Variants in CACNA2D3 observed in about 807,000 individuals in gnomAD.
CACNA2D3 encodes calcium voltage-gated channel auxiliary subunit alpha2delta 3, also known as voltage-dependent calcium channel subunit alpha-2/delta-3.
Under a neutral mutation model 160.6 loss-of-function variants are expected in CACNA2D3, and 60 were observed. That is an observed-to-expected ratio of 0.37 (90% confidence interval 0.30 to 0.46). CACNA2D3 has a LOEUF of 0.46. CACNA2D3 is among the 20% of genes least tolerant of loss of function. The pLI is 1.00. For synonymous variants in CACNA2D3, 558 were observed against 492.9 expected, an observed-to-expected ratio of 1.13 and a Z score of -1.75; for missense variants, 1,205 against 1,365.0, an observed-to-expected ratio of 0.88 and a Z score of 1.85.
chr3:54,766,901 A>G (rs1458044361), intron 13 of CACNA2D3, among the ~76,000 whole-genome samples: 1 of 151,446 alleles, frequency 6.6e-6, no homozygotes, highest in Non-Finnish European at 1.5e-5. Context: ...AAATGAGGAA[A>G]AAAGAAGATA....
intron 13 of CACNA2D3, among the ~76,000 whole-genome samples, chr3:54,788,642 G>A (rs189912307): frequency 9.9e-4 from 150 of 152,268 alleles, no homozygotes; most frequent in African/African-American, 2.8e-3. Context: ...GGACATTGAC[G>A]AAAGAAGTTT....
Position 54,142,104 on chromosome 3 carries a change from G to A in CACNA2D3, c.204+18510G>A, listed in dbSNP as rs1250986382. On this transcript the variant is annotated intron_variant, in intron 2 of 37. Coordinates refer to ENST00000474759, the MANE Select transcript of CACNA2D3 (RefSeq NM_018398.3). ...GGCATGATTCTTTACTGAGACCAGA[G>A]GGATGAGGAATTACTATGACAGAAA... 3.3e-5 allele frequency among the ~76,000 whole-genome samples: 5 copies of A among 152,308 alleles called. No homozygotes were observed. In the South Asian group the frequency reaches 8.3e-4, roughly 25 times the overall value.
chr3:54,813,608 C>T (rs896351791), intron 13 of CACNA2D3, among the ~76,000 whole-genome samples: 6 of 152,108 alleles, frequency 3.9e-5, no homozygotes, highest in African/African-American at 7.2e-5. Flanking sequence ...GGCATCAACT[C>T]TGGGCATATC....
At chr3:54,186,175 AGACACTCACT>A (rs1325357339) in intron 2 of CACNA2D3, among the ~76,000 whole-genome samples, 1 of 152,216 alleles carries the variant, frequency 6.6e-6, no homozygotes, top group East Asian at 1.9e-4. Context: ...AGCAAGTTGC[AGACACTCACT>A]GTGAGCTTGG....
chr3:54,128,391 C>T (rs1259600886), intron 2 of CACNA2D3, among the ~76,000 whole-genome samples: 1 of 152,136 alleles, frequency 6.6e-6, no homozygotes, highest in East Asian at 1.9e-4. Context: ...GTTTGAAGCA[C>T]ATATTCTTGG....
chr3:54,891,348 G>A lies in CACNA2D3; in HGVS notation c.2151-7G>A, dbSNP rs58790653. On this transcript the variant is annotated splice_region_variant and splice_polypyrimidine_tract_variant and intron_variant, in intron 24 of 37. Transcript: ENST00000474759. ...GCCTCCCCCTGACGTCTGTTGTTCT[G>A]TTTCAGAAATTCTGACAAGGGCGTG... is the stretch of plus-strand genomic sequence containing the variant. The A allele has an allele frequency of 1.2e-6, 2 of 1,611,328 alleles. No homozygotes were observed. Among genetic ancestry groups the A allele is most frequent in the South Asian group, 2.2e-5 (2 of 91,012 alleles).
At chr3:54,898,162 CTTTCT>C (rs10530912) in intron 26 of CACNA2D3, among the ~76,000 whole-genome samples, 71,902 of 117,880 alleles carry the variant, frequency 0.61, 21,582 homozygotes, top group East Asian at 0.78. Context: ...CTTTCTTTAT[CTTTCT>C]TTTCTTTTCT....
chr3:54,626,475 G>A lies in CACNA2D3; in HGVS notation c.964-1312G>A, dbSNP rs1699106913. ...TGCGTGACGTGATCATCCTGCCCGA[G>A]ATGGTGGGCAGCATGGTGGGCGTCT... On this transcript the variant is annotated intron_variant, in intron 9 of 37. Coordinates refer to ENST00000474759, the MANE Select transcript of CACNA2D3 (RefSeq NM_018398.3). 5 of 1,605,566 alleles carry A rather than the reference G, an allele frequency of 3.1e-6. No individual in the cohort carries two copies. In the Admixed American group the frequency reaches 8.5e-5, roughly 27 times the overall value.
chr3:54,819,036 TCCCTGCCCCC>T (rs1406273739), intron 14 of CACNA2D3, among the ~76,000 whole-genome samples: 2 of 152,054 alleles, frequency 1.3e-5, no homozygotes, highest in Non-Finnish European at 2.9e-5. Context: ...TGTATTAGCA[TCCCTGCCCCC>T]AACTCCCCTT....
intron 2 of CACNA2D3, among the ~76,000 whole-genome samples, chr3:54,128,010 G>A (rs1422715718): frequency 2.0e-5 from 3 of 151,562 alleles, no homozygotes; most frequent in African/African-American, 7.3e-5. Flanking sequence ...GAACTGCTGC[G>A]GCCTGTGTTG....
chr3:54,248,483 A>T (rs1457067011), intron 2 of CACNA2D3, among the ~76,000 whole-genome samples: 5 of 143,874 alleles, frequency 3.5e-5, no homozygotes, highest in Non-Finnish European at 7.5e-5. Context: ...CTCCATCTCA[A>T]AAAAAAAAAA....
intron 9 of CACNA2D3, among the ~76,000 whole-genome samples, chr3:54,608,985 A>AT (rs1370538962): frequency 6.6e-6 from 1 of 152,132 alleles, no homozygotes; most frequent in Non-Finnish European, 1.5e-5. Context: ...CCAAGAACCT[A>AT]TGCCTCCTGA....
rs186519414 is a variant in CACNA2D3 at position 54,363,824 on chromosome 3, T to C, written c.322-22891T>C. The stretch of plus-strand genomic sequence containing the variant: ...ATGGAGTGAGGTTGGGTCCAGGGAG[T>C]GACCAGGATCTGAGGAAGTAGCCCT... On this transcript the variant is annotated intron_variant, in intron 3 of 37. Transcript: ENST00000474759. Among the ~76,000 whole-genome samples the C allele has an allele frequency of 3.9e-5, 6 of 152,050 alleles. No homozygotes were observed. In the East Asian group the frequency reaches 1.2e-3, roughly 29 times the overall value.
chr3:54,386,644 A>G (rs1340896991), intron 3 of CACNA2D3, 71 bp from the exon 4 acceptor site: 6 of 1,389,984 alleles, frequency 4.3e-6, no homozygotes, highest in East Asian at 2.5e-5. Flanking sequence ...CTTTTGGTCA[A>G]TGGAGAAATG....
chr3:54,419,809 A>G (rs138016881), intron 4 of CACNA2D3, among the ~76,000 whole-genome samples: 3,239 of 152,266 alleles, frequency 0.021, 108 homozygotes, highest in African/African-American at 0.074. Context: ...TCTGTCACCC[A>G]GGCTGGAGTG....
chr3:54,882,146 A>G (rs1699812965), intron 21 of CACNA2D3, among the ~76,000 whole-genome samples: 1 of 152,224 alleles, frequency 6.6e-6, no homozygotes, highest in South Asian at 2.1e-4. Context: ...ATGTGTTTTC[A>G]GGATCATGTT....
chr3:54,435,701 C>G (rs1183965572), intron 4 of CACNA2D3, among the ~76,000 whole-genome samples: 1 of 152,084 alleles, frequency 6.6e-6, no homozygotes, highest in Non-Finnish European at 1.5e-5. Flanking sequence ...CTCACCATAC[C>G]AAGAATCCAG....
chr3:54,694,134 C>T (rs554740695), intron 11 of CACNA2D3, among the ~76,000 whole-genome samples: 148 of 152,298 alleles, frequency 9.7e-4, no homozygotes, highest in Non-Finnish European at 1.6e-3. Flanking sequence ...GTGCCCTATA[C>T]AGGAGTTCCA....
chr3:54,759,860 C>CT (rs1488837772), intron 12 of CACNA2D3, among the ~76,000 whole-genome samples: 1 of 152,210 alleles, frequency 6.6e-6, no homozygotes, highest in African/African-American at 2.4e-5. Context: ...AGAGCAAAGG[C>CT]TTTGGAATCA....
Sources: allele counts gnomAD v4.1 joint callset (sites outside exome capture counted in the v4.1 genomes callset), GRCh38; gene constraint gnomAD v4.1.1; transcripts MANE v1.5; gene names NCBI Gene and HGNC (gene_info 2026-07-23, HGNC 2026-07-21).